RIMS1: variants seen among roughly 807,000 people sequenced by gnomAD.
The protein encoded by RIMS1 is regulating synaptic membrane exocytosis 1, also known as regulating synaptic membrane exocytosis protein 1.
RIMS1 carries 83 observed loss-of-function variants against 214.1 expected under a neutral mutation model. The ratio of observed to expected loss-of-function variants is 0.39; its 90% confidence interval spans 0.32 to 0.47. The LOEUF is 0.47. Among genes scored for constraint, RIMS1 ranks in the 20% least tolerant of loss-of-function variants. RIMS1 has a pLI of 0.99. For synonymous variants in RIMS1, 793 were observed against 786.8 expected, an observed-to-expected ratio of 1.01 and a Z score of -0.13; for missense variants, 2,050 against 2,161.8, an observed-to-expected ratio of 0.95 and a Z score of 1.03.
chr6:71,887,920 A>T (rs140606160), intron 1 of RIMS1, among the ~76,000 whole-genome samples: 1 of 152,206 alleles, frequency 6.6e-6, no homozygotes, highest in Admixed American at 6.5e-5. Context: ...TGAATAACAT[A>T]GAGGTTCCTC....
At chr6:72,157,403 A>G (rs1554254749) in intron 4 of RIMS1, among the ~76,000 whole-genome samples, 1 of 139,276 alleles carries the variant, frequency 7.2e-6, no homozygotes, top group Non-Finnish European at 1.6e-5. Context: ...CTCCCACTGT[A>G]TTTGTGATTT....
intron 27 of RIMS1, among the ~76,000 whole-genome samples, chr6:72,309,706 A>G (rs1451991488): frequency 2.6e-5 from 4 of 152,086 alleles, no homozygotes; most frequent in Non-Finnish European, 5.9e-5. Flanking sequence ...AGATACTACT[A>G]TGTTAAATAA....
intron 2 of RIMS1, among the ~76,000 whole-genome samples, chr6:72,085,816 C>G (rs1035195031): frequency 6.6e-6 from 1 of 152,128 alleles, no homozygotes; most frequent in African/African-American, 2.4e-5. Context: ...TCTTACAAAG[C>G]AATAACTTTC....
intron 2 of RIMS1, among the ~76,000 whole-genome samples, chr6:71,991,431 G>C (rs1419615154): frequency 6.6e-6 from 1 of 151,952 alleles, no homozygotes; most frequent in East Asian, 1.9e-4. Context: ...CGTATTTTTA[G>C]GTCATACAAA....
intron 2 of RIMS1, among the ~76,000 whole-genome samples, chr6:72,013,311 T>C (rs1036840737): frequency 6.6e-6 from 1 of 152,206 alleles, no homozygotes; most frequent in Non-Finnish European, 1.5e-5. Context: ...TCATAATAAG[T>C]ACAGGATTTA....
chr6:72,196,603 T>TTTTTTTTTTTTTTA (rs780611745), intron 6 of RIMS1, among the ~76,000 whole-genome samples: 2 of 132,208 alleles, frequency 1.5e-5, no homozygotes, highest in African/African-American at 2.8e-5. Flanking sequence ...TTTTTTTTTT[T>TTTTTTTTTTTTTTA]ACCTATACAG....
At position 71,985,451 on chromosome 6, in the gene RIMS1, A is replaced by G. The variant is rs192129140; in HGVS notation, c.245+16388A>G. Reference sequence around the variant, plus strand: ...ATAAAGGTAAATGCTCAACTCACCAACTTCCTAATTATTTTGATACATGTC... The same window carrying G: ...ATAAAGGTAAATGCTCAACTCACCAGCTTCCTAATTATTTTGATACATGTC... On this transcript the variant is annotated intron_variant, in intron 2 of 33. Coordinates refer to ENST00000521978, the MANE Select transcript of RIMS1 (RefSeq NM_014989.7). 4.2e-4 allele frequency among the ~76,000 whole-genome samples: 64 copies of G among 152,276 alleles called. No homozygotes were observed. The East Asian group carries it at 9.1e-3, about 22-fold the overall frequency.
chr6:71,936,747 T>C (rs980121008), intron 1 of RIMS1, among the ~76,000 whole-genome samples: 2 of 152,240 alleles, frequency 1.3e-5, no homozygotes, highest in African/African-American at 4.8e-5. Flanking sequence ...GACTACTCTT[T>C]ATCCAGTGCC....
chr6:72,136,148 A>G (rs2041242111), intron 4 of RIMS1, among the ~76,000 whole-genome samples: 1 of 152,220 alleles, frequency 6.6e-6, no homozygotes, highest in Admixed American at 6.5e-5. Context: ...TATAAGATAA[A>G]TATATGATAT....
chr6:72,002,912 A>G (rs1805791682), intron 2 of RIMS1, among the ~76,000 whole-genome samples: 2 of 152,212 alleles, frequency 1.3e-5, no homozygotes, highest in African/African-American at 4.8e-5. Context: ...GTCCTTTTAC[A>G]TAGCAGAATC....
At chr6:72,314,104 A>G (rs555044815) in intron 28 of RIMS1, among the ~76,000 whole-genome samples, 4 of 152,294 alleles carry the variant, frequency 2.6e-5, no homozygotes, top group South Asian at 4.1e-4. Context: ...TGTTAACAAA[A>G]TAGACATCCC....
At chr6:72,164,946 A>G (rs940139458) in intron 4 of RIMS1, among the ~76,000 whole-genome samples, 1 of 152,184 alleles carries the variant, frequency 6.6e-6, no homozygotes, top group African/African-American at 2.4e-5. Flanking sequence ...AACTCCAAAT[A>G]TATTTCAGAT....
At chr6:72,325,193 G>C (rs1469322535) in intron 28 of RIMS1, among the ~76,000 whole-genome samples, 1 of 151,436 alleles carries the variant, frequency 6.6e-6, no homozygotes, top group Admixed American at 6.6e-5. Context: ...ATTTGGTAAG[G>C]ACATTACAAG....
intron 2 of RIMS1, among the ~76,000 whole-genome samples, chr6:71,971,889 C>T (rs964090322): frequency 2.6e-5 from 4 of 152,170 alleles, no homozygotes; most frequent in Non-Finnish European, 5.9e-5. Context: ...GGGAACACAC[C>T]CAAACCATAT....
chr6:72,003,644 G>C (rs1292130341), intron 2 of RIMS1, among the ~76,000 whole-genome samples: 1 of 151,994 alleles, frequency 6.6e-6, no homozygotes, highest in African/African-American at 2.4e-5. Context: ...GTGTCTGTGT[G>C]TGTGATAAGA....
chr6:72,092,978 A>G (rs149358745), intron 2 of RIMS1, among the ~76,000 whole-genome samples: 2 of 152,230 alleles, frequency 1.3e-5, no homozygotes, highest in East Asian at 3.9e-4. Context: ...CTGATTTGCT[A>G]TTCAATGCTA....
intron 29 of RIMS1, among the ~76,000 whole-genome samples, chr6:72,389,676 T>A (rs1345735629): frequency 6.6e-6 from 1 of 152,222 alleles, no homozygotes; most frequent in East Asian, 1.9e-4. Context: ...TATTATATGA[T>A]ACTATACAGA....
At chr6:72,184,863 G>A (rs1203599291) in intron 6 of RIMS1, among the ~76,000 whole-genome samples, 2 of 152,098 alleles carry the variant, frequency 1.3e-5, no homozygotes, top group Non-Finnish European at 2.9e-5. Context: ...ACTGTTTTGT[G>A]CAAATGCAGT....
chr6:71,909,465 C>G (rs1776276309), intron 1 of RIMS1, among the ~76,000 whole-genome samples: 1 of 152,074 alleles, frequency 6.6e-6, no homozygotes, highest in Non-Finnish European at 1.5e-5. Context: ...AATTGACATC[C>G]AAATCACAAG....
Sources: allele counts gnomAD v4.1 joint callset (sites outside exome capture counted in the v4.1 genomes callset), GRCh38; gene constraint gnomAD v4.1.1; transcripts MANE v1.5; gene names NCBI Gene and HGNC (gene_info 2026-07-23, HGNC 2026-07-21).